STPG1: variants seen among roughly 807,000 people sequenced by gnomAD.
The protein encoded by STPG1 is sperm tail PG-rich repeat containing 1.
A neutral mutation model predicts 40.1 loss-of-function variants in STPG1; 33 were observed. The observed-to-expected ratio is 0.82, with a 90% CI of 0.62 to 1.10. The LOEUF (loss-of-function observed/expected upper bound fraction) is 1.10, where lower values mean the gene tolerates loss of function less well. Ranked by LOEUF, STPG1 falls within the 50% of genes least tolerant of loss-of-function variation. The pLI, the probability that STPG1 is intolerant of heterozygous loss-of-function variation, is 0.00. For synonymous variants in STPG1, 150 were observed against 155.0 expected, an observed-to-expected ratio of 0.97 and a Z score of 0.24; for missense variants, 396 against 415.1, an observed-to-expected ratio of 0.95 and a Z score of 0.40.
At position 24,358,495 on chromosome 1, in the gene STPG1, G is replaced by T; in HGVS notation, c.*48C>A. On this transcript the variant is annotated 3_prime_UTR_variant, in exon 9 of 9. Transcript: ENST00000337248. The stretch of plus-strand genomic sequence containing the variant: ...CTGAGGAATGTCCTGGGGACGCTGG[G>T]CAGGGTGGGCTGGTGGCTGGAGTTC... The T allele has an allele frequency of 6.8e-7, 1 of 1,476,198 alleles. No individual in the cohort carries two copies. Among genetic ancestry groups the T allele is most frequent in the Non-Finnish European group, 9.5e-7 (1 of 1,054,172 alleles). 91.4% of individuals were successfully genotyped at this position (1,476,198 alleles called of 1,614,324 possible). A position where few individuals can be genotyped will look rare whatever the true frequency, so the allele number is the denominator to read the frequency against.
At chr1:24,369,335 C>G (rs1356269492) in intron 7 of STPG1, 1 of 503,108 alleles carries the variant, frequency 2.0e-6, no homozygotes, top group Admixed American at 2.3e-5. Flanking sequence ...TGAGCCAATT[C>G]CCTGTGGCTC....
At chr1:24,392,119 A>G in intron 2 of STPG1, 1 of 985,912 alleles carries the variant, frequency 1.0e-6, no homozygotes, top group South Asian at 4.6e-5. Flanking sequence ...GGTTAGGGAA[A>G]TCCCAGCCTG....
At chr1:24,396,201 T>G (rs988171215) in intron 2 of STPG1, among the ~76,000 whole-genome samples, 14 of 152,334 alleles carry the variant, frequency 9.2e-5, no homozygotes, top group African/African-American at 2.4e-4. Flanking sequence ...CTCTAAAGTA[T>G]GTAGGGATCA....
At chr1:24,396,668 T>C (rs1643019620) in intron 2 of STPG1, among the ~76,000 whole-genome samples, 1 of 152,208 alleles carries the variant, frequency 6.6e-6, no homozygotes, top group South Asian at 2.1e-4. Flanking sequence ...CAACTGTTGC[T>C]TTAAGGTAAC....
At chr1:24,365,118 T>G (rs1641371243) in intron 7 of STPG1, among the ~76,000 whole-genome samples, 1 of 152,222 alleles carries the variant, frequency 6.6e-6, no homozygotes, top group Non-Finnish European at 1.5e-5. Flanking sequence ...AGATTACAGC[T>G]GCTTGGGAAG....
rs976851849 is a variant in STPG1, at chr1:24,359,658, G to A, written c.929-1039C>T. On this transcript the variant is annotated intron_variant, in intron 8 of 8. Transcript: ENST00000337248. This position sits in a 1 kb window ranked among gnomAD's most constrained non-coding sequence, Gnocchi z 5.3. ...GGGCCCAGGTCATCTTGGCTCCCTC[G>A]CACGGGAGCATCGTCAACACTCACA... is the stretch of plus-strand genomic sequence containing the variant. 5.3e-5 allele frequency among the ~76,000 whole-genome samples: 8 copies of A among 152,246 alleles called. No individual in the cohort carries two copies. In the South Asian group the frequency reaches 6.2e-4, roughly 12 times the overall value.
chr1:24,361,672 C>T (rs548508160), intron 7 of STPG1, among the ~76,000 whole-genome samples: 3 of 152,254 alleles, frequency 2.0e-5, no homozygotes, highest in South Asian at 4.1e-4. Context: ...AATCAAGAGA[C>T]TCTGCATAAC....
chr1:24,367,834 ATCT>A (rs1406459555), intron 7 of STPG1, among the ~76,000 whole-genome samples: 4 of 152,120 alleles, frequency 2.6e-5, no homozygotes, highest in African/African-American at 9.7e-5. Flanking sequence ...ATTTTCCAAC[ATCT>A]TCTCATCGAA....
chr1:24,373,601 TA>T, intron 6 of STPG1, 100 bp downstream of exon 6: 1 of 813,678 alleles, frequency 1.2e-6, no homozygotes, highest in Non-Finnish European at 2.1e-6. Flanking sequence ...ACCCAAAGAC[TA>T]AATCCTTCCA....
At chr1:24,373,031 G>A (rs1317450064) in intron 6 of STPG1, among the ~76,000 whole-genome samples, 2 of 152,218 alleles carry the variant, frequency 1.3e-5, no homozygotes, top group Non-Finnish European at 2.9e-5. Context: ...AAGGGACAAT[G>A]GAATGATGGA....
intron 5 of STPG1, among the ~76,000 whole-genome samples, chr1:24,375,764 G>A (rs1423196946): frequency 6.6e-6 from 1 of 152,078 alleles, no homozygotes; most frequent in Admixed American, 6.5e-5. Flanking sequence ...AGACAAAACA[G>A]CACTTCAGCT....
chr1:24,360,262 T>G (rs564908076), intron 8 of STPG1, among the ~76,000 whole-genome samples: 1 of 152,136 alleles, frequency 6.6e-6, no homozygotes. Flanking sequence ...CTAGCCAACA[T>G]AGCGAACCCC....
intron 5 of STPG1, among the ~76,000 whole-genome samples, chr1:24,376,949 G>T (rs1642054520): frequency 6.6e-6 from 1 of 152,100 alleles, no homozygotes; most frequent in African/African-American, 2.4e-5. Context: ...ACAGCAGCTG[G>T]AAGGAACTTT....
intron 7 of STPG1, 148 bp from the exon 8 acceptor site, chr1:24,361,189 A>C: frequency 4.4e-6 from 3 of 688,348 alleles, no homozygotes; most frequent in Non-Finnish European, 6.9e-6. Flanking sequence ...CTCCACTGGT[A>C]GTGAGCTGGG....
At chr1:24,414,309 G>A (rs985748075), upstream of STPG1, 1 of 151,528 alleles carries the variant, frequency 6.6e-6, no homozygotes, top group Non-Finnish European at 1.5e-5. Flanking sequence ...GCCTCCCAAA[G>A]TGTTGGGATT....
At chr1:24,365,672 C>G (rs1641410411) in intron 7 of STPG1, among the ~76,000 whole-genome samples, 1 of 152,228 alleles carries the variant, frequency 6.6e-6, no homozygotes, top group South Asian at 2.1e-4. Flanking sequence ...CACAGAGGAC[C>G]CGCTCACCTG....
chr1:24,409,449 A>C (rs1002716558), intron 1 of STPG1, among the ~76,000 whole-genome samples: 1 of 152,212 alleles, frequency 6.6e-6, no homozygotes, highest in Non-Finnish European at 1.5e-5. Flanking sequence ...AGCTTTAATA[A>C]AGCTGTTATT....
intron 1 of STPG1, among the ~76,000 whole-genome samples, chr1:24,408,560 C>T (rs940952903): frequency 6.6e-6 from 1 of 152,154 alleles, no homozygotes; most frequent in East Asian, 1.9e-4. Flanking sequence ...GGATTTCCTA[C>T]AATATGGCCT....
At chr1:24,381,054 T>C (rs1279728349) in intron 4 of STPG1, among the ~76,000 whole-genome samples, 1 of 152,146 alleles carries the variant, frequency 6.6e-6, no homozygotes, top group African/African-American at 2.4e-5. Flanking sequence ...GTGGATCTTA[T>C]GATTATCTCT....
Sources: gnomAD v4.1 joint callset for allele counts (sites outside exome capture counted in the v4.1 genomes callset) on GRCh38, gnomAD v4.1.1 for gene constraint, Gnocchi (gnomAD v3.1) non-coding constraint, MANE v1.5 for transcripts, NCBI Gene and HGNC (gene_info 2026-07-23, HGNC 2026-07-21) for gene names.